Variants in ALDH1A2 observed in about 807,000 individuals in gnomAD.
The protein encoded by ALDH1A2 is aldehyde dehydrogenase 1 family member A2, also known as retinal dehydrogenase 2.
In ALDH1A2, 27 loss-of-function variants were observed where a neutral mutation model predicts 60.3. That is an observed-to-expected ratio of 0.45 (90% CI 0.33 to 0.62). The LOEUF (loss-of-function observed/expected upper bound fraction) is 0.62. Among genes scored for constraint, ALDH1A2 ranks in the 20% least tolerant of loss-of-function variants. The pLI is 0.02. For missense variants in ALDH1A2, 581 were observed against 643.8 expected (o/e 0.90, Z 1.06); for synonymous variants, 289 against 232.4 (o/e 1.24, Z -2.21).
At chr15:57,955,633 C>CT (rs1204467276) in intron 12 of ALDH1A2, among the ~76,000 whole-genome samples, 1 of 152,216 alleles carries the variant, frequency 6.6e-6, no homozygotes, top group Non-Finnish European at 1.5e-5. Context: ...TGCTCAGAGG[C>CT]TGAGTGCTGT....
chr15:57,960,892 CATAATCTGACTGGCATGGT>C, intron 11 of ALDH1A2, 48 bp from the exon 12 acceptor site: 1 of 1,531,126 alleles, frequency 6.5e-7, no homozygotes, highest in Non-Finnish European at 9.0e-7. Flanking sequence ...AGTCTGAGCA[CATAATCTGACTGGCATGGT>C]ATTTCTTTTA....
intron 1 of ALDH1A2, among the ~76,000 whole-genome samples, chr15:58,020,138 T>C (rs1301582990): frequency 1.3e-5 from 2 of 152,224 alleles, no homozygotes; most frequent in African/African-American, 2.4e-5. Flanking sequence ...TCCATCCAAG[T>C]ACCTGTAAAG....
At chr15:58,008,802 G>A (rs1895540171) in intron 4 of ALDH1A2, among the ~76,000 whole-genome samples, 1 of 152,090 alleles carries the variant, frequency 6.6e-6, no homozygotes, top group African/African-American at 2.4e-5. Flanking sequence ...AGACTGACAT[G>A]TGTCCCACTG....
intron 7 of ALDH1A2, among the ~76,000 whole-genome samples, chr15:57,987,851 C>A (rs1475243968): frequency 6.7e-6 from 1 of 148,832 alleles, no homozygotes; most frequent in Non-Finnish European, 1.5e-5. Flanking sequence ...CTACTGCACT[C>A]CAGCCTGAGC....
chr15:58,058,118 T>TA (rs1424626329), intron 1 of ALDH1A2: 2 of 1,503,422 alleles, frequency 1.3e-6, no homozygotes, highest in South Asian at 2.4e-5. Context: ...CCTAGAGAAA[T>TA]AAGACTTTCA....
intron 1 of ALDH1A2, chr15:58,065,330 C>T: frequency 1.6e-6 from 1 of 633,866 alleles, no homozygotes; most frequent in Non-Finnish European, 2.8e-6. Context: ...GGGTTAAGTC[C>T]CCAAGGCGTC....
chr15:57,989,058 C>G lies in ALDH1A2; in HGVS notation c.798+3647G>C, dbSNP rs188575120. Reference sequence around the variant, plus strand: ...TGGTGCGTGCCTGTAGTCCCAGCTACGAATCACTTGAACCCGGGAGGCAGC... The same window carrying G: ...TGGTGCGTGCCTGTAGTCCCAGCTAGGAATCACTTGAACCCGGGAGGCAGC... On this transcript the variant is annotated intron_variant, in intron 7 of 12. Transcript: ENST00000249750. Among the ~76,000 whole-genome samples, 274 of 152,248 alleles carry G rather than the reference C, an allele frequency of 1.8e-3. 5 individuals carry two copies. The highest frequency in any genetic ancestry group is 6.8e-3 in the Middle Eastern group (2 of 294).
chr15:58,018,538 T>C (rs1895843188), intron 1 of ALDH1A2, among the ~76,000 whole-genome samples: 1 of 152,178 alleles, frequency 6.6e-6, no homozygotes, highest in Admixed American at 6.5e-5. Context: ...TGTATATTCA[T>C]GTAGTTTCAA....
chr15:57,957,131 G>C (rs1893553873), intron 12 of ALDH1A2, among the ~76,000 whole-genome samples: 2 of 152,166 alleles, frequency 1.3e-5, no homozygotes, highest in African/African-American at 4.8e-5. Context: ...GACTGAGGAG[G>C]CATGGAGGAG....
chr15:58,054,920 T>TA (rs1440698130), intron 1 of ALDH1A2, among the ~76,000 whole-genome samples: 1 of 152,146 alleles, frequency 6.6e-6, no homozygotes, highest in Non-Finnish European at 1.5e-5. Context: ...CTCCTTTTTT[T>TA]AAATTCATAC....
At chr15:58,059,439 C>G (rs1450017841) in intron 1 of ALDH1A2, among the ~76,000 whole-genome samples, 2 of 152,160 alleles carry the variant, frequency 1.3e-5, no homozygotes, top group African/African-American at 4.8e-5. Flanking sequence ...ACAGTCAGGA[C>G]TAGTAAAAGT....
chr15:57,959,524 A>G (rs1031559771), intron 12 of ALDH1A2, among the ~76,000 whole-genome samples: 2 of 152,176 alleles, frequency 1.3e-5, no homozygotes, highest in African/African-American at 2.4e-5. Context: ...AATCATCTAT[A>G]TAACACTAAT....
intron 7 of ALDH1A2, among the ~76,000 whole-genome samples, chr15:57,971,528 C>G (rs750193052): frequency 6.6e-5 from 10 of 152,142 alleles, no homozygotes; most frequent in Non-Finnish European, 1.2e-4. Context: ...TGAGTTCAAG[C>G]AATCCTCCCA....
intron 1 of ALDH1A2, among the ~76,000 whole-genome samples, chr15:58,033,434 T>A (rs934468394): frequency 6.6e-6 from 1 of 151,942 alleles, no homozygotes; most frequent in Non-Finnish European, 1.5e-5. Flanking sequence ...GGTTTGGAAG[T>A]TGCACACTGT....
intron 7 of ALDH1A2, among the ~76,000 whole-genome samples, chr15:57,975,258 T>C (rs557665822): frequency 2.0e-5 from 3 of 152,366 alleles, no homozygotes; most frequent in South Asian, 2.1e-4. Context: ...TGAATGTTCA[T>C]AGAAGCTTTT....
chr15:57,965,609 T>C (rs1037023630), intron 8 of ALDH1A2, 116 bp downstream of exon 8: 1 of 860,574 alleles, frequency 1.2e-6, no homozygotes, highest in African/African-American at 1.7e-5. Context: ...AGGAGATCTT[T>C]TTGATTGCCC....
chr15:57,987,396 C>A (rs1223212890), intron 7 of ALDH1A2, among the ~76,000 whole-genome samples: 1 of 152,112 alleles, frequency 6.6e-6, no homozygotes, highest in Admixed American at 6.5e-5. Context: ...AAAAGAAACT[C>A]TCTCAAAAGC....
chr15:58,003,205 C>A (rs1386134150), intron 4 of ALDH1A2, among the ~76,000 whole-genome samples: 1 of 151,856 alleles, frequency 6.6e-6, no homozygotes, highest in Non-Finnish European at 1.5e-5. Context: ...AAAAAGGTTC[C>A]TTGTGAAGCT....
intron 1 of ALDH1A2, among the ~76,000 whole-genome samples, chr15:58,060,524 C>T (rs1305591801): frequency 7.8e-6 from 1 of 128,852 alleles, no homozygotes; most frequent in Admixed American, 9.7e-5. Flanking sequence ...TCATATCAGG[C>T]ACTATGTGTC....
Sources: gnomAD v4.1 joint callset for allele counts (sites outside exome capture counted in the v4.1 genomes callset) on GRCh38, gnomAD v4.1.1 for gene constraint, MANE v1.5 for transcripts, NCBI Gene and HGNC (gene_info 2026-07-23, HGNC 2026-07-21) for gene names.